The following TENM1 variants were observed in gnomAD, a reference collection of about 807,000 sequenced individuals.
TENM1 encodes the protein teneurin transmembrane protein 1, also known as teneurin-1.
Under a neutral mutation model 174.8 loss-of-function variants are expected in TENM1, and 35 were observed. The ratio of observed to expected loss-of-function variants is 0.20; its 90% confidence interval spans 0.15 to 0.27. The LOEUF (loss-of-function observed/expected upper bound fraction) is 0.27. Among genes scored for constraint, TENM1 ranks in the 10% least tolerant of loss-of-function variants. TENM1 has a pLI of 1.00. For synonymous variants in TENM1, 781 were observed against 798.7 expected (o/e 0.98, Z 0.37); for missense variants, 1,633 against 2,130.1 (o/e 0.77, Z 4.59).
intron 3 of TENM1, among the ~76,000 whole-genome samples, chrX:124,834,455 G>A (rs1040898808): frequency 2.7e-5 from 3 of 112,033 alleles, no homozygotes; most frequent in East Asian, 2.8e-4. Context: ...TTACAGGCAT[G>A]AGCCACTGCA....
the TENM1 span, among the ~76,000 whole-genome samples, chrX:125,010,852 C>T: frequency 6.4e-5 from 7 of 108,969 alleles, no homozygotes; most frequent in South Asian, 4.0e-4. Context: ...CATGTGGAAC[C>T]GAAAAAGAGG....
At chrX:124,759,469 C>A (rs937238379) in intron 3 of TENM1, among the ~76,000 whole-genome samples, 1 of 111,315 alleles carries the variant, frequency 9.0e-6, no homozygotes, top group African/African-American at 3.3e-5. Context: ...TCCCTCACCC[C>A]CTCCTGCTCT....
At chrX:124,698,816 T>G (rs991304693) in intron 5 of TENM1, among the ~76,000 whole-genome samples, 1 of 111,697 alleles carries the variant, frequency 9.0e-6, no homozygotes, top group African/African-American at 3.2e-5. Flanking sequence ...TACTATGCTT[T>G]TCAACCTTTC....
At chrX:125,023,668 G>T in the TENM1 span, among the ~76,000 whole-genome samples, 1 of 110,723 alleles carries the variant, frequency 9.0e-6, no homozygotes, top group Non-Finnish European at 1.9e-5. Flanking sequence ...GAATACTCAG[G>T]AATGGTTCAG....
chrX:124,486,240 A>G (rs2046951284), intron 21 of TENM1, among the ~76,000 whole-genome samples: 1 of 112,442 alleles, frequency 8.9e-6, no homozygotes, highest in African/African-American at 3.2e-5. Context: ...CTTGGGTGTT[A>G]GGTTTACTAT....
chrX:125,168,558 G>C, the TENM1 span, among the ~76,000 whole-genome samples: 1 of 111,314 alleles, frequency 9.0e-6, no homozygotes, highest in East Asian at 2.8e-4. Flanking sequence ...ATTTGTATTA[G>C]AGCCCCAGTC....
At chrX:124,825,727 C>T (rs772304760) in intron 3 of TENM1, among the ~76,000 whole-genome samples, 4 of 112,019 alleles carry the variant, frequency 3.6e-5, no homozygotes, top group African/African-American at 1.3e-4. Context: ...TTCAAACATG[C>T]ATCGATACTT....
chrX:124,402,779 T>G (rs1379168065), intron 27 of TENM1, among the ~76,000 whole-genome samples: 1 of 111,614 alleles, frequency 9.0e-6, no homozygotes, highest in East Asian at 2.8e-4. Context: ...TTCAATACAA[T>G]TTTTCTGTGA....
the TENM1 span, among the ~76,000 whole-genome samples, chrX:125,165,299 G>C: frequency 9.0e-6 from 1 of 111,392 alleles, no homozygotes; most frequent in African/African-American, 3.3e-5. Context: ...CATATTCTCT[G>C]GCTCTATTAA....
At chrX:124,789,910 T>C (rs2055140109) in intron 3 of TENM1, among the ~76,000 whole-genome samples, 1 of 111,971 alleles carries the variant, frequency 8.9e-6, no homozygotes, top group Non-Finnish European at 1.9e-5. Context: ...GGTACCAATT[T>C]ACTGTATTAG....
chrX:124,399,105 T>C (rs899028124), intron 27 of TENM1, among the ~76,000 whole-genome samples: 1 of 112,112 alleles, frequency 8.9e-6, no homozygotes, highest in Admixed American at 9.4e-5. Context: ...TGCCAGCATA[T>C]AGAACCTTAT....
intron 3 of TENM1, among the ~76,000 whole-genome samples, chrX:124,858,829 T>C (rs1490130646): frequency 1.8e-5 from 2 of 111,815 alleles, no homozygotes; most frequent in African/African-American, 6.5e-5. Context: ...ATGATTCTTT[T>C]TTTTTTTAAC....
chrX:124,850,973 G>T (rs754087555), intron 3 of TENM1, among the ~76,000 whole-genome samples: 1 of 110,926 alleles, frequency 9.0e-6, no homozygotes, highest in South Asian at 3.8e-4. Flanking sequence ...CAGCCAGAGA[G>T]CAAGAAGAAC....
exon 27 of TENM1, chrX:124,405,118 G>C: frequency 1.7e-6 from 2 of 1,211,409 alleles, no homozygotes; most frequent in Non-Finnish European, 2.2e-6. Flanking sequence ...TGTGCTCTCC[G>C]GGCAATGAGA....
chrX:124,408,615 G>C (rs991006820), intron 25 of TENM1, among the ~76,000 whole-genome samples: 45 of 110,924 alleles, frequency 4.1e-4, no homozygotes, highest in Non-Finnish European at 5.1e-4. Context: ...TTGCCTCATT[G>C]GTTTCCCTTT....
chrX:124,929,484 A>G (rs1221985428), intron 1 of TENM1, among the ~76,000 whole-genome samples: 2 of 112,131 alleles, frequency 1.8e-5, no homozygotes, highest in African/African-American at 3.2e-5. Flanking sequence ...AGAGGCTGCG[A>G]AAATTCTACC....
intron 1 of TENM1, among the ~76,000 whole-genome samples, chrX:124,942,779 G>A (rs765890948): frequency 2.7e-5 from 3 of 110,762 alleles, no homozygotes; most frequent in African/African-American, 6.6e-5. Context: ...CTGTTCTTTC[G>A]TATCTCAACA....
At chrX:124,414,977 GAA>G (rs1214286952) in intron 25 of TENM1, among the ~76,000 whole-genome samples, 1 of 111,505 alleles carries the variant, frequency 9.0e-6, no homozygotes, top group Non-Finnish European at 1.9e-5. Flanking sequence ...TTACCTCGGG[GAA>G]TTACTCGAGT....
At chrX:124,902,440 G>C (rs1384992745) in intron 1 of TENM1, among the ~76,000 whole-genome samples, 1 of 111,989 alleles carries the variant, frequency 8.9e-6, no homozygotes, top group African/African-American at 3.2e-5. Flanking sequence ...AAATATAAAA[G>C]TATCCATTTA....
Sources: gnomAD v4.1 joint callset for allele counts (sites outside exome capture counted in the v4.1 genomes callset) on GRCh38, gnomAD v4.1.1 for gene constraint, MANE v1.5 for transcripts, NCBI Gene and HGNC (gene_info 2026-07-23, HGNC 2026-07-21) for gene names.